SCHIP1: variants seen among roughly 807,000 people sequenced by gnomAD.
SCHIP1 encodes schwannomin-interacting protein 1.
A neutral mutation model predicts 29.7 loss-of-function variants in SCHIP1; 8 were observed. The observed-to-expected ratio is 0.27, with a 90% CI of 0.16 to 0.49. The LOEUF (loss-of-function observed/expected upper bound fraction) is 0.49. Among genes scored for constraint, SCHIP1 ranks in the 20% least tolerant of loss-of-function variants. The probability of loss-of-function intolerance (pLI) is 0.99; values close to 1 mark genes in which losing one functional copy is unlikely to be tolerated. For missense variants in SCHIP1, 193 were observed against 294.6 expected (o/e 0.66, Z 2.52); for synonymous variants, 76 against 94.9 (o/e 0.80, Z 1.16).
the SCHIP1 span, among the ~76,000 whole-genome samples, chr3:159,782,061 C>G: frequency 6.6e-6 from 1 of 152,336 alleles, no homozygotes; most frequent in East Asian, 1.9e-4. Flanking sequence ...GGCAACACAC[C>G]TGGAGAGCTC....
chr3:159,281,900 C>T, the SCHIP1 span, among the ~76,000 whole-genome samples: 81 of 151,798 alleles, frequency 5.3e-4, no homozygotes, highest in Admixed American at 2.0e-3. Flanking sequence ...TTGGAGATTC[C>T]GAAATGTGTA....
chr3:159,341,653 A>G, the SCHIP1 span, among the ~76,000 whole-genome samples: 1 of 152,054 alleles, frequency 6.6e-6, no homozygotes, highest in Non-Finnish European at 1.5e-5. Flanking sequence ...CACTTTCTCG[A>G]GCTTCGTTTA....
chr3:159,545,702 ATC>A, the SCHIP1 span, among the ~76,000 whole-genome samples: 1 of 147,564 alleles, frequency 6.8e-6, no homozygotes, highest in Non-Finnish European at 1.5e-5. Context: ...AAAATTGTAC[ATC>A]TTTTGTACAA....
the SCHIP1 span, among the ~76,000 whole-genome samples, chr3:159,392,554 C>A: frequency 6.6e-6 from 1 of 150,986 alleles, no homozygotes; most frequent in Admixed American, 6.6e-5. Flanking sequence ...TGAGAACATG[C>A]GGTGTTTGTT....
At chr3:159,684,846 A>T in the SCHIP1 span, among the ~76,000 whole-genome samples, 1 of 151,658 alleles carries the variant, frequency 6.6e-6, no homozygotes, top group East Asian at 1.9e-4. Context: ...AGAAAAAAAA[A>T]AAGCATCCTC....
At chr3:159,561,716 G>A in the SCHIP1 span, among the ~76,000 whole-genome samples, 2 of 151,936 alleles carry the variant, frequency 1.3e-5, no homozygotes. Flanking sequence ...TTGTGTGAAG[G>A]ACACATCAAT....
chr3:159,830,025 G>A, the SCHIP1 span, among the ~76,000 whole-genome samples: 2 of 152,114 alleles, frequency 1.3e-5, no homozygotes, highest in Non-Finnish European at 2.9e-5. Flanking sequence ...TTAAGATTCT[G>A]GACATGTTTA....
chr3:159,348,810 C>G, the SCHIP1 span, among the ~76,000 whole-genome samples: 1 of 152,122 alleles, frequency 6.6e-6, no homozygotes, highest in African/African-American at 2.4e-5. Context: ...TATGCAATTG[C>G]AAGGAAATTA....
At chr3:159,780,438 G>A in the SCHIP1 span, among the ~76,000 whole-genome samples, 2 of 152,182 alleles carry the variant, frequency 1.3e-5, no homozygotes, top group Non-Finnish European at 2.9e-5. Context: ...TAGGACTCAA[G>A]TTCAAACCAT....
the SCHIP1 span, among the ~76,000 whole-genome samples, chr3:159,449,636 A>G: frequency 2.6e-5 from 4 of 152,226 alleles, no homozygotes; most frequent in Admixed American, 6.5e-5. Context: ...GGGATACTGA[A>G]TGCAACTTAA....
At chr3:159,803,595 C>G in the SCHIP1 span, among the ~76,000 whole-genome samples, 1 of 152,184 alleles carries the variant, frequency 6.6e-6, no homozygotes, top group Non-Finnish European at 1.5e-5. Context: ...CCTGCAGTTA[C>G]TTCAGAAGCT....
At chr3:159,465,315 TTGTGTGTG>T in the SCHIP1 span, among the ~76,000 whole-genome samples, 3 of 148,276 alleles carry the variant, frequency 2.0e-5, no homozygotes, top group Admixed American at 6.8e-5. Context: ...ATGTGTATGA[TTGTGTGTG>T]TGTGTGTGTG....
At chr3:159,369,034 G>A in the SCHIP1 span, among the ~76,000 whole-genome samples, 3 of 152,198 alleles carry the variant, frequency 2.0e-5, no homozygotes, top group Non-Finnish European at 2.9e-5. Context: ...TAAGAGAAGT[G>A]ATGGTATCTG....
At chr3:159,713,976 C>A in the SCHIP1 span, among the ~76,000 whole-genome samples, 1 of 152,208 alleles carries the variant, frequency 6.6e-6, no homozygotes, top group Non-Finnish European at 1.5e-5. Flanking sequence ...GTGGCTCATG[C>A]CTGTAATCCC....
At chr3:159,499,108 G>A in the SCHIP1 span, among the ~76,000 whole-genome samples, 2 of 152,068 alleles carry the variant, frequency 1.3e-5, no homozygotes, top group African/African-American at 2.4e-5. Flanking sequence ...ATTTAATTTC[G>A]AGGCACTTGA....
At chr3:159,550,507 T>C in the SCHIP1 span, among the ~76,000 whole-genome samples, 1 of 152,152 alleles carries the variant, frequency 6.6e-6, no homozygotes, top group African/African-American at 2.4e-5. Context: ...CTATATTGTT[T>C]AACAGTATTG....
the SCHIP1 span, among the ~76,000 whole-genome samples, chr3:159,527,576 AT>A: frequency 6.6e-6 from 1 of 152,230 alleles, no homozygotes; most frequent in African/African-American, 2.4e-5. Flanking sequence ...TGGTGTACCT[AT>A]TTTATAAGAC....
chr3:159,546,418 G>GT, the SCHIP1 span, among the ~76,000 whole-genome samples: 1 of 151,918 alleles, frequency 6.6e-6, no homozygotes, highest in African/African-American at 2.4e-5. Flanking sequence ...AGTTTGCTAA[G>GT]TTTTTTTTAA....
intron 4 of SCHIP1, 175 bp from the exon 6 acceptor site, chr3:159,888,645 G>A (rs1374048495): frequency 2.4e-6 from 2 of 819,374 alleles, no homozygotes; most frequent in Non-Finnish European, 3.6e-6. Context: ...TGCATATTAG[G>A]TAATGTAGTG....
Sources: allele counts gnomAD v4.1 joint callset (sites outside exome capture counted in the v4.1 genomes callset), GRCh38; gene constraint gnomAD v4.1.1; transcripts MANE v1.5; gene names NCBI Gene and HGNC (gene_info 2026-07-23, HGNC 2026-07-21).